Variants in ZNF536 observed in about 807,000 individuals in gnomAD.
The protein encoded by ZNF536 is zinc finger protein 536.
In ZNF536, 13 loss-of-function variants were observed where a neutral mutation model predicts 84.5. The ratio of observed to expected loss-of-function variants is 0.15; its 90% confidence interval spans 0.10 to 0.24. The LOEUF is 0.24. Ranked by LOEUF, ZNF536 falls within the 10% of genes least tolerant of loss-of-function variation. The pLI, the probability that ZNF536 is intolerant of heterozygous loss-of-function variation, is 1.00. For missense variants in ZNF536, 1,536 were observed against 1,747.5 expected, an observed-to-expected ratio of 0.88 and a Z score of 2.16; for synonymous variants, 811 against 742.5, an observed-to-expected ratio of 1.09 and a Z score of -1.50.
chr19:30,711,332 A>T lies in ZNF536; in HGVS notation c.*331A>T, dbSNP rs562724920. ...ACTCGAAAGTCGTCTTTGTCCAAAA[A>T]TAATGCTCTTAACTGAAAAACGATA... On this transcript the variant is annotated 3_prime_UTR_variant, in exon 2 of 2. Transcript: ENST00000592773. 13 of 152,318 alleles carry T rather than the reference A, an allele frequency of 8.5e-5. 1 individual carries two copies. The highest frequency in any genetic ancestry group is 3.1e-4 in the African/African-American group (13 of 41,570). The allele number at this position is 152,318 out of a possible 1,614,324, so 9.4% of individuals were successfully genotyped here. A position where few individuals can be genotyped will look rare whatever the true frequency, so the allele number is the denominator to read the frequency against.
intron 2 of ZNF536, among the ~76,000 whole-genome samples, chr19:30,448,536 A>G (rs33430): frequency 0.55 from 83,869 of 152,118 alleles, 24,114 homozygotes; most frequent in Non-Finnish European, 0.64. Context: ...ACGGTTTTAC[A>G]AATTTCTCAG....
At chr19:30,658,643 G>C (rs1256494294) in intron 1 of ZNF536, among the ~76,000 whole-genome samples, 1 of 151,932 alleles carries the variant, frequency 6.6e-6, no homozygotes, top group African/African-American at 2.4e-5. Flanking sequence ...CTATTCCTCT[G>C]TTATTCCCTC....
intron 1 of ZNF536, among the ~76,000 whole-genome samples, chr19:30,589,635 C>CA (rs2047210440): frequency 6.6e-6 from 1 of 152,020 alleles, no homozygotes; most frequent in Non-Finnish European, 1.5e-5. Context: ...AAAAGCAAAG[C>CA]AAAAAGAAGG....
At chr19:30,252,030 C>T (rs1333176890) in intron 1 of ZNF536, among the ~76,000 whole-genome samples, 1 of 152,090 alleles carries the variant, frequency 6.6e-6, no homozygotes, top group Non-Finnish European at 1.5e-5. Context: ...GGAGAAAATC[C>T]TCACAATCTA....
At chr19:30,479,985 C>T (rs1409683550) in intron 2 of ZNF536, among the ~76,000 whole-genome samples, 1 of 152,224 alleles carries the variant, frequency 6.6e-6, no homozygotes, top group Non-Finnish European at 1.5e-5. Context: ...CTGGGGATTG[C>T]TGTTCCCCCT....
In ZNF536 at chr19:30,311,533, T is replaced by G. The variant is rs796818828; in HGVS notation, c.-120+27392T>G. Among the ~76,000 whole-genome samples, 38 of 152,330 alleles carry G rather than the reference T, an allele frequency of 2.5e-4. 1 individual carries two copies. The highest frequency in any genetic ancestry group is 9.1e-4 in the African/African-American group (38 of 41,562). On this transcript the variant is annotated intron_variant, in intron 2 of 5. Coordinates refer to the ZNF536 transcript ENST00000585628. ...ATCTGCACCTCATTTACTCCCCATATGGTCTTCGTGTATTTCCTTTTGCCA... is the reference window on the plus strand; with the variant it reads ...ATCTGCACCTCATTTACTCCCCATAGGGTCTTCGTGTATTTCCTTTTGCCA...
At chr19:30,258,531 T>C (rs2145210612) in intron 1 of ZNF536, among the ~76,000 whole-genome samples, 1 of 152,350 alleles carries the variant, frequency 6.6e-6, no homozygotes, top group Non-Finnish European at 1.5e-5. Flanking sequence ...AACTGTGTTA[T>C]GGAAGAGTGC....
At chr19:30,268,400 A>G (rs1005249733) in intron 1 of ZNF536, among the ~76,000 whole-genome samples, 5 of 152,128 alleles carry the variant, frequency 3.3e-5, no homozygotes, top group Admixed American at 3.3e-4. Context: ...AACTTTACCT[A>G]TATAAGGGTA....
chr19:30,262,552 C>T (rs569189744), intron 1 of ZNF536, among the ~76,000 whole-genome samples: 139 of 152,282 alleles, frequency 9.1e-4, no homozygotes, highest in Admixed American at 7.3e-3. Flanking sequence ...ACTGCCTCTG[C>T]GTGTGCTGCC....
At chr19:30,454,454 T>C (rs1435250296) in intron 2 of ZNF536, among the ~76,000 whole-genome samples, 4 of 152,246 alleles carry the variant, frequency 2.6e-5, no homozygotes, top group African/African-American at 7.2e-5. Context: ...CAACATGAAG[T>C]GTATGCAGTG....
intron 2 of ZNF536, among the ~76,000 whole-genome samples, chr19:30,336,044 C>T (rs764836283): frequency 9.9e-5 from 15 of 152,144 alleles, no homozygotes; most frequent in Non-Finnish European, 1.6e-4. Context: ...AGGTTAAATT[C>T]GGTTCAGTTC....
intron 3 of ZNF536, among the ~76,000 whole-genome samples, chr19:30,361,975 C>T (rs143011923): frequency 9.2e-5 from 14 of 152,260 alleles, no homozygotes; most frequent in Admixed American, 2.6e-4. Context: ...AAATAGACAC[C>T]ACCAACTAAA....
intron 1 of ZNF536, among the ~76,000 whole-genome samples, chr19:30,598,667 T>G (rs1262818917): frequency 1.3e-5 from 2 of 152,166 alleles, no homozygotes; most frequent in Admixed American, 1.3e-4. Context: ...TTGATCTGGA[T>G]AAACATGGTG....
rs2052203967 is a variant in ZNF536 at position 30,444,232 on chromosome 19, C to A, written c.670C>A (p.Leu224Met). ...KGSLLQPRPD[L>M]KPPPHAQQAP... is the part of the protein sequence containing the mutation. ...CAGCCTGCTGCAGCCCCGGCCGGAC[C>A]TGAAGCCCCCGCCGCACGCCCAGCA... Residue 224 changes from leucine to methionine, a missense_variant, in exon 2 of 5, where the codon CTG becomes ATG. This residue lies in a region of ZNF536 where 138 missense variants were observed against 136.8 expected (regional missense o/e 1.01). Transcript: ENST00000355537. 1 of 1,544,418 alleles carries A rather than the reference C, an allele frequency of 6.5e-7. No individual in the cohort carries two copies. Among genetic ancestry groups the A allele is most frequent in the Non-Finnish European group, 8.7e-7 (1 of 1,150,698 alleles).
intron 2 of ZNF536, among the ~76,000 whole-genome samples, chr19:30,520,061 G>A (rs373144556): frequency 6.6e-6 from 1 of 152,196 alleles, no homozygotes; most frequent in African/African-American, 2.4e-5. Flanking sequence ...TGGGCCTGGG[G>A]CTGGTGTTTG....
rs375648549 is a variant in ZNF536, at chr19:30,548,702, C to T, written c.3083C>T (p.Ala1028Val). Residue 1028 changes from alanine to valine, a missense_variant, in exon 4 of 5, where the codon GCG becomes GTG. Ala to Val is a moderately conservative substitution (Grantham distance 64). This residue lies in a region of ZNF536 where 624 missense variants were observed against 603.1 expected (regional missense o/e 1.03). Coordinates refer to ENST00000355537, the MANE Select transcript of ZNF536 (RefSeq NM_014717.3). ...CTCCAGGCCAACCACCTGGGCAAAGCGAAACGCAAAGATAACACCATCGGG... is the reference window on the plus strand; with the variant it reads ...CTCCAGGCCAACCACCTGGGCAAAGTGAAACGCAAAGATAACACCATCGGG... ...LHLQANHLGKAKRKDNTIGVT... is the reference protein window; with the variant it reads ...LHLQANHLGKVKRKDNTIGVT... 118 of 1,613,850 alleles carry T rather than the reference C, an allele frequency of 7.3e-5. No homozygotes were observed. The highest frequency in any genetic ancestry group is 5.2e-4 in the Admixed American group (31 of 60,002).
intron 1 of ZNF536, among the ~76,000 whole-genome samples, chr19:30,666,561 G>A (rs1432102030): frequency 6.6e-6 from 1 of 151,976 alleles, no homozygotes; most frequent in Non-Finnish European, 1.5e-5. Context: ...TTTGAGAGGG[G>A]GCTTTCTGAG....
chr19:30,467,509 A>G (rs1021247632), intron 2 of ZNF536, among the ~76,000 whole-genome samples: 4 of 152,118 alleles, frequency 2.6e-5, no homozygotes, highest in African/African-American at 9.7e-5. Context: ...TCTTTATCCA[A>G]TTCATCTGCT....
intron 4 of ZNF536, chr19:30,555,665 G>A (rs529950899): frequency 2.6e-5 from 4 of 152,342 alleles, no homozygotes; most frequent in Admixed American, 2.6e-4. Flanking sequence ...GACTTGGAAG[G>A]AAGCCATGGC....
Sources: allele counts gnomAD v4.1 joint callset (sites outside exome capture counted in the v4.1 genomes callset), GRCh38; gene constraint gnomAD v4.1.1; regional missense constraint gnomAD v4.1.1; transcripts MANE v1.5; gene names NCBI Gene and HGNC (gene_info 2026-07-23, HGNC 2026-07-21).